KRABD2: variants seen among roughly 807,000 people sequenced by gnomAD.
The protein encoded by KRABD2 is KRAB domain containing 2.
chr17:8,376,348 C>T, the KRABD2 span: 16 of 1,205,964 alleles, frequency 1.3e-5, no homozygotes, highest in Non-Finnish European at 1.5e-5. Context: ...ATCTACAACC[C>T]GGGGAGATGA....
chr17:8,367,852 A>G, the KRABD2 span, among the ~76,000 whole-genome samples: 1 of 149,304 alleles, frequency 6.7e-6, no homozygotes, highest in Non-Finnish European at 1.5e-5. Context: ...TCCATTGTTT[A>G]TCTGCTGACC....
At chr17:8,371,710 A>T in the KRABD2 span, 1 of 1,353,900 alleles carries the variant, frequency 7.4e-7, no homozygotes, top group Non-Finnish European at 9.5e-7. Context: ...CCCATTTATT[A>T]ATCTTTCCAG....
At chr17:8,366,587 CTG>C in the KRABD2 span, among the ~76,000 whole-genome samples, 2 of 152,202 alleles carry the variant, frequency 1.3e-5, no homozygotes, top group Non-Finnish European at 2.9e-5. Flanking sequence ...ACACAATTAT[CTG>C]TGCATAATGC....
chr17:8,360,141 G>A, the KRABD2 span, among the ~76,000 whole-genome samples: 1 of 152,100 alleles, frequency 6.6e-6, no homozygotes, highest in Admixed American at 6.5e-5. Flanking sequence ...TCTGAGCAAG[G>A]AGCTAGTCAA....
At chr17:8,363,416 A>G in the KRABD2 span, among the ~76,000 whole-genome samples, 1 of 152,116 alleles carries the variant, frequency 6.6e-6, no homozygotes, top group Non-Finnish European at 1.5e-5. Flanking sequence ...CAGTGGCACG[A>G]TCTCAGCTCA....
At chr17:8,371,202 T>G in the KRABD2 span, 2 of 1,046,742 alleles carry the variant, frequency 1.9e-6, no homozygotes, top group Non-Finnish European at 2.8e-6. Flanking sequence ...GAGGAGTCTG[T>G]CCTTATCTTG....
At chr17:8,364,199 T>C in the KRABD2 span, among the ~76,000 whole-genome samples, 5 of 152,080 alleles carry the variant, frequency 3.3e-5, no homozygotes, top group Non-Finnish European at 7.4e-5. The surrounding 1 kb of genome is among the most constrained non-coding windows in gnomAD (Gnocchi z 4.4). Context: ...TTTTTAAATG[T>C]TTAATGTTTA....
chr17:8,369,130 C>G, the KRABD2 span: 1 of 1,606,392 alleles, frequency 6.2e-7, no homozygotes. Context: ...CAGCAGCCAT[C>G]TGTTCACCAG....
chr17:8,375,410 G>A, the KRABD2 span, among the ~76,000 whole-genome samples: 1 of 152,246 alleles, frequency 6.6e-6, no homozygotes, highest in African/African-American at 2.4e-5. Context: ...ATCTTCCTTT[G>A]GATCAAGCTT....
At chr17:8,375,949 A>C in the KRABD2 span, 3 of 1,230,478 alleles carry the variant, frequency 2.4e-6, no homozygotes, top group Non-Finnish European at 3.0e-6. Flanking sequence ...CCTCGCATTG[A>C]TCCTCCCAAT....
At chr17:8,371,879 A>G in the KRABD2 span, 4 of 1,010,394 alleles carry the variant, frequency 4.0e-6, no homozygotes, top group South Asian at 1.3e-4. Context: ...TCTACCTGCC[A>G]CTGTGATCAG....
At chr17:8,376,022 CTCCT>C in the KRABD2 span, 1 of 1,231,724 alleles carries the variant, frequency 8.1e-7, no homozygotes, top group Non-Finnish European at 1.0e-6. Flanking sequence ...ATTGCCATCT[CTCCT>C]TCATCTCAAC....
At chr17:8,371,562 C>A in the KRABD2 span, 4 of 1,563,902 alleles carry the variant, frequency 2.6e-6, no homozygotes, top group South Asian at 2.3e-5. Context: ...GAAAGCGAGT[C>A]AGGTGAATAA....
the KRABD2 span, among the ~76,000 whole-genome samples, chr17:8,361,783 C>T: frequency 1.3e-5 from 2 of 149,496 alleles, no homozygotes; most frequent in Non-Finnish European, 3.0e-5. Context: ...ATCCTCCTGC[C>T]TCAGCCTCCA....
chr17:8,363,863 T>TATATATATATATA, the KRABD2 span, among the ~76,000 whole-genome samples: 10 of 55,722 alleles, frequency 1.8e-4, no homozygotes, highest in East Asian at 1.2e-3. Flanking sequence ...ATATATATAT[T>TATATATATATATA]TATTTATTTA....
At chr17:8,360,299 GATAATA>G in the KRABD2 span, among the ~76,000 whole-genome samples, 1 of 151,574 alleles carries the variant, frequency 6.6e-6, no homozygotes, top group Non-Finnish European at 1.5e-5. Flanking sequence ...TAATAATAAT[GATAATA>G]ATAATAATGA....
At chr17:8,364,049 A>T in the KRABD2 span, among the ~76,000 whole-genome samples, 1 of 151,260 alleles carries the variant, frequency 6.6e-6, no homozygotes, top group Non-Finnish European at 1.5e-5. This position sits in a 1 kb window ranked among gnomAD's most constrained non-coding sequence, Gnocchi z 4.4. Context: ...TTGTATTTTT[A>T]GTAGAGACAG....
At chr17:8,371,942 TAGTC>T in the KRABD2 span, 156 of 990,290 alleles carry the variant, frequency 1.6e-4, no homozygotes, top group Non-Finnish European at 1.7e-4. Flanking sequence ...TGGGATTCCT[TAGTC>T]AGAACAGCCG....
chr17:8,368,948 T>C, the KRABD2 span: 1 of 1,078,700 alleles, frequency 9.3e-7, no homozygotes. Flanking sequence ...GTTGTGGTAA[T>C]TTTTTATGGC....
Sources: allele counts gnomAD v4.1 joint callset (sites outside exome capture counted in the v4.1 genomes callset), GRCh38; gene constraint gnomAD v4.1.1; non-coding constraint Gnocchi (gnomAD v3.1); transcripts MANE v1.5; gene names NCBI Gene and HGNC (gene_info 2026-07-23, HGNC 2026-07-21).